Variants in ERLEC1 observed in about 807,000 individuals in gnomAD.
The protein encoded by ERLEC1 is ER lectin.
Under a neutral mutation model 68.0 loss-of-function variants are expected in ERLEC1, and 47 were observed. The ratio of observed to expected loss-of-function variants is 0.69; its 90% CI spans 0.55 to 0.88. The LOEUF (loss-of-function observed/expected upper bound fraction) is 0.88. Ranked by LOEUF, ERLEC1 falls within the 40% of genes least tolerant of loss-of-function variation. The probability of loss-of-function intolerance (pLI) is 0.00; values close to 1 mark genes in which losing one functional copy is unlikely to be tolerated. For missense variants in ERLEC1, 567 were observed against 583.8 expected (o/e 0.97, Z 0.30); for synonymous variants, 225 against 203.2 (o/e 1.11, Z -0.91).
intron 3 of ERLEC1, 90 bp downstream of exon 3, chr2:53,796,103 G>T: frequency 1.1e-6 from 1 of 902,852 alleles, no homozygotes; most frequent in Non-Finnish European, 1.6e-6. Context: ...TTATTATGTT[G>T]TGTCAGGTTT....
At chr2:53,796,333 T>C (rs747604886) in intron 3 of ERLEC1, among the ~76,000 whole-genome samples, 1 of 151,746 alleles carries the variant, frequency 6.6e-6, no homozygotes, top group African/African-American at 2.4e-5. Flanking sequence ...CCCCTCTTTG[T>C]GTCCATGTGT....
intron 6 of ERLEC1, among the ~76,000 whole-genome samples, chr2:53,800,401 G>A (rs994705179): frequency 6.6e-6 from 1 of 151,918 alleles, no homozygotes; most frequent in Non-Finnish European, 1.5e-5. Flanking sequence ...TTATTATTCT[G>A]CTTTTACAAA....
At chr2:53,817,512 T>C (rs1287102770) in intron 13 of ERLEC1, among the ~76,000 whole-genome samples, 1 of 152,224 alleles carries the variant, frequency 6.6e-6, no homozygotes, top group Non-Finnish European at 1.5e-5. Flanking sequence ...AGTATAATTA[T>C]TATAACATTT....
At chr2:53,790,812 T>C (rs551080284) in intron 1 of ERLEC1, among the ~76,000 whole-genome samples, 3 of 152,320 alleles carry the variant, frequency 2.0e-5, no homozygotes, top group African/African-American at 7.2e-5. Flanking sequence ...TTAACTAGAG[T>C]TAATAATTAT....
chr2:53,796,754 A>T (rs1197629477), intron 3 of ERLEC1, among the ~76,000 whole-genome samples: 1 of 152,086 alleles, frequency 6.6e-6, no homozygotes, highest in Non-Finnish European at 1.5e-5. Flanking sequence ...CCAGCTAGTT[A>T]TTTCTTAATA....
intron 6 of ERLEC1, among the ~76,000 whole-genome samples, chr2:53,800,148 CATAAT>C (rs1675928137): frequency 6.6e-6 from 1 of 152,090 alleles, no homozygotes; most frequent in Admixed American, 6.5e-5. Flanking sequence ...ATTGTGCAAA[CATAAT>C]AGAGTGTACT....
Position 53,804,295 on chromosome 2 carries a change from T to C in ERLEC1, c.879+2453T>C, listed in dbSNP as rs562561733. On this transcript the variant is annotated intron_variant, in intron 8 of 13. Coordinates refer to ENST00000185150, the MANE Select transcript of ERLEC1 (RefSeq NM_015701.5). ...TGAGACAGAGTTTCACTCTTTCCCC[T>C]AAGCTGGAGTGCTGTGGTGCAATCT... is the stretch of plus-strand genomic sequence containing the variant. Among the ~76,000 whole-genome samples the C allele has an allele frequency of 2.0e-5, 3 of 151,798 alleles. No homozygotes were observed. In the South Asian group the frequency reaches 6.2e-4, roughly 31 times the overall value.
intron 13 of ERLEC1, 61 bp from the exon 14 acceptor site, chr2:53,817,837 G>A: frequency 2.1e-6 from 2 of 947,696 alleles, no homozygotes; most frequent in Non-Finnish European, 1.7e-6. Flanking sequence ...CCATTCAGCA[G>A]AATAGTACTG....
intron 1 of ERLEC1, among the ~76,000 whole-genome samples, chr2:53,789,308 C>T (rs1056231987): frequency 1.3e-5 from 2 of 148,698 alleles, no homozygotes; most frequent in South Asian, 2.1e-4. Context: ...GCAGGAGAAT[C>T]GCTTAAACCC....
intron 6 of ERLEC1, among the ~76,000 whole-genome samples, chr2:53,799,612 A>T (rs1045283252): frequency 1.3e-5 from 2 of 152,200 alleles, no homozygotes; most frequent in Non-Finnish European, 1.5e-5. Flanking sequence ...AAAAAGAATA[A>T]TTCCTCAGGA....
At chr2:53,810,724 T>G (rs922207663) in intron 10 of ERLEC1, among the ~76,000 whole-genome samples, 129 of 152,344 alleles carry the variant, frequency 8.5e-4, no homozygotes, top group African/African-American at 3.0e-3. Context: ...CCAAAATGAA[T>G]GAGGCATCCA....
chr2:53,794,704 G>A (rs1464677021), intron 2 of ERLEC1, among the ~76,000 whole-genome samples: 1 of 151,958 alleles, frequency 6.6e-6, no homozygotes, highest in African/African-American at 2.4e-5. Context: ...CGCCAGGCTG[G>A]AGGGCAGTGG....
At chr2:53,800,543 T>G (rs1165665183) in intron 6 of ERLEC1, among the ~76,000 whole-genome samples, 1 of 152,136 alleles carries the variant, frequency 6.6e-6, no homozygotes, top group African/African-American at 2.4e-5. Context: ...AAACATTTTT[T>G]CCTGAAAACA....
chr2:53,800,168 C>G (rs557564440), intron 6 of ERLEC1, among the ~76,000 whole-genome samples: 3 of 152,230 alleles, frequency 2.0e-5, no homozygotes, highest in Admixed American at 2.0e-4. Flanking sequence ...TGTACTTACA[C>G]AAACCTACGT....
chr2:53,790,258 TA>T (rs1675319502), intron 1 of ERLEC1, among the ~76,000 whole-genome samples: 1 of 108,292 alleles, frequency 9.2e-6, no homozygotes, highest in Non-Finnish European at 1.9e-5. Flanking sequence ...CACACCTGGC[TA>T]ATTTTTTTTT....
chr2:53,790,674 A>T (rs1015313498), intron 1 of ERLEC1, among the ~76,000 whole-genome samples: 1 of 151,798 alleles, frequency 6.6e-6, no homozygotes, highest in Non-Finnish European at 1.5e-5. Context: ...TAGTTTCCCT[A>T]TGTTGCTCAT....
intron 1 of ERLEC1, among the ~76,000 whole-genome samples, chr2:53,789,336 C>T (rs1320223356): frequency 7.0e-6 from 1 of 142,792 alleles, no homozygotes; most frequent in Non-Finnish European, 1.5e-5. Context: ...GGAGGTTGCA[C>T]TGAGCCAAGA....
At chr2:53,799,004 T>C in intron 5 of ERLEC1, 43 bp from the exon 6 acceptor site, 5 of 1,591,746 alleles carry the variant, frequency 3.1e-6, no homozygotes, top group South Asian at 1.1e-5. Context: ...TTGTACCACA[T>C]ATGTCACTGC....
chr2:53,811,939 C>G (rs1364692636), intron 10 of ERLEC1, among the ~76,000 whole-genome samples: 5 of 152,124 alleles, frequency 3.3e-5, no homozygotes, highest in African/African-American at 1.2e-4. Flanking sequence ...TTGTTTGAGA[C>G]AGAGTTTTCC....
Sources: allele counts gnomAD v4.1 joint callset (sites outside exome capture counted in the v4.1 genomes callset), GRCh38; gene constraint gnomAD v4.1.1; transcripts MANE v1.5; gene names NCBI Gene and HGNC (gene_info 2026-07-23, HGNC 2026-07-21).